SMAD6: variants seen among roughly 807,000 people sequenced by gnomAD.
The protein encoded by SMAD6 is SMAD family member 6, also known as MAD homolog 6.
A neutral mutation model predicts 39.4 loss-of-function variants in SMAD6; 103 were observed. The observed-to-expected ratio is 2.62, with a 90% CI of 2.23 to 3.08. The LOEUF (loss-of-function observed/expected upper bound fraction) is 3.08. Among genes scored for constraint, SMAD6 ranks in the 30% most tolerant of loss-of-function variants. The probability of loss-of-function intolerance (pLI) is 0.00; values close to 1 mark genes in which losing one functional copy is unlikely to be tolerated. For missense variants in SMAD6, 1,104 were observed against 742.9 expected, an observed-to-expected ratio of 1.49 and a Z score of -5.65; for synonymous variants, 445 against 353.3, an observed-to-expected ratio of 1.26 and a Z score of -2.91.
At chr15:66,716,586 C>T (rs377132423) in intron 3 of SMAD6, 88 bp downstream of exon 3, 1 of 935,890 alleles carries the variant, frequency 1.1e-6, no homozygotes, top group South Asian at 1.3e-5. Context: ...GACTTTTTGA[C>T]TTCCCCTCTT....
intron 1 of SMAD6, among the ~76,000 whole-genome samples, chr15:66,708,431 G>A (rs750832461): frequency 2.0e-5 from 3 of 152,198 alleles, no homozygotes; most frequent in Admixed American, 1.3e-4. Context: ...AGATCCACAG[G>A]GCGCAGCCAT....
intron 3 of SMAD6, among the ~76,000 whole-genome samples, chr15:66,739,968 C>T (rs79073097): frequency 0.037 from 5,564 of 152,266 alleles, 317 homozygotes; most frequent in African/African-American, 0.12. Flanking sequence ...GTTTTGCGTC[C>T]TGCCTTTTCT....
At chr15:66,758,475 C>T (rs972362804) in intron 3 of SMAD6, among the ~76,000 whole-genome samples, 3 of 152,186 alleles carry the variant, frequency 2.0e-5, no homozygotes, top group Non-Finnish European at 2.9e-5. Flanking sequence ...TGCCCGTAAT[C>T]CCAGCACTTT....
chr15:66,769,239 T>G (rs1361105908), intron 3 of SMAD6, among the ~76,000 whole-genome samples: 1 of 152,208 alleles, frequency 6.6e-6, no homozygotes. Flanking sequence ...TGAGGGCTGC[T>G]GCTCACAGAG....
chr15:66,718,494 G>A (rs1352310826), intron 3 of SMAD6, among the ~76,000 whole-genome samples: 3 of 152,196 alleles, frequency 2.0e-5, no homozygotes, highest in Non-Finnish European at 2.9e-5. Context: ...TCTAAGGAGC[G>A]GAAGGATTTG....
At position 66,703,337 on chromosome 15, in the gene SMAD6, A is replaced by AGCG. The variant is rs936063348; in HGVS notation, c.90_92dup (p.Gly33dup). The AGCG allele has an allele frequency of 8.1e-6, 12 of 1,484,728 alleles. No individual in the cohort carries two copies. In the Admixed American group the frequency reaches 1.4e-4, roughly 18 times the overall value. The allele number at this position is 1,484,728 out of a possible 1,614,324, so 92.0% of individuals were successfully genotyped here. On this transcript the variant is annotated inframe_insertion, in exon 1 of 4. Coordinates refer to ENST00000288840, the MANE Select transcript of SMAD6 (RefSeq NM_005585.5). ...GGTCCCCGACCGGGAGGAAGGCGGC[A>AGCG]GCGGCGGCGGCGGTGGCGGCGACGA...
intron 3 of SMAD6, among the ~76,000 whole-genome samples, chr15:66,734,012 G>A (rs950495885): frequency 3.9e-5 from 6 of 152,190 alleles, no homozygotes; most frequent in Admixed American, 2.0e-4. Context: ...TCCTGTGCCC[G>A]AGCTGGGGTC....
At chr15:66,756,304 A>G (rs1894098391) in intron 3 of SMAD6, among the ~76,000 whole-genome samples, 1 of 151,886 alleles carries the variant, frequency 6.6e-6, no homozygotes, top group African/African-American at 2.4e-5. Flanking sequence ...AGCCCTTTGC[A>G]GTCATGCTGT....
At chr15:66,752,042 T>C (rs1894016563) in intron 3 of SMAD6, among the ~76,000 whole-genome samples, 1 of 17,974 alleles carries the variant, frequency 5.6e-5, no homozygotes, top group Non-Finnish European at 1.9e-4. Context: ...AATGGCACCT[T>C]TTTTTTTTTT....
Position 66,767,077 on chromosome 15 carries a change from T to C in SMAD6, c.953-13920T>C, listed in dbSNP as rs568292347. Reference sequence around the variant, plus strand: ...TTACTGAGATAATGATTCAACTTCTTCAAGATGCTGGGCGGGAGGCAGTGG... The same window carrying C: ...TTACTGAGATAATGATTCAACTTCTCCAAGATGCTGGGCGGGAGGCAGTGG... On this transcript the variant is annotated intron_variant, in intron 3 of 3. Transcript: ENST00000288840. 7.9e-5 allele frequency among the ~76,000 whole-genome samples: 12 copies of C among 152,338 alleles called. No homozygotes were observed. The East Asian group carries it at 1.3e-3, about 17-fold the overall frequency.
chr15:66,744,114 A>G lies in SMAD6; in HGVS notation c.952+27616A>G, dbSNP rs1438192707. On this transcript the variant is annotated intron_variant, in intron 3 of 3. Coordinates refer to ENST00000288840, the MANE Select transcript of SMAD6 (RefSeq NM_005585.5). Reference sequence around the variant, plus strand: ...TCAGAGTGCCCTCCGGAAAGGCTGTATCCGTTTTCTCTCTCAGCTGCCCTG... The same window carrying G: ...TCAGAGTGCCCTCCGGAAAGGCTGTGTCCGTTTTCTCTCTCAGCTGCCCTG... Among the ~76,000 whole-genome samples the G allele has an allele frequency of 2.5e-4, 38 of 152,186 alleles. 1 individual carries two copies. Among genetic ancestry groups the G allele is most frequent in the Admixed American group, 2.5e-3 (38 of 15,278 alleles).
chr15:66,762,050 T>C (rs1894209850), intron 3 of SMAD6, among the ~76,000 whole-genome samples: 1 of 152,220 alleles, frequency 6.6e-6, no homozygotes, highest in African/African-American at 2.4e-5. Flanking sequence ...GCTCACCTCC[T>C]GCAGGCCAGC....
intron 3 of SMAD6, among the ~76,000 whole-genome samples, chr15:66,780,424 G>A (rs922047502): frequency 4.6e-5 from 7 of 151,924 alleles, no homozygotes; most frequent in East Asian, 1.9e-4. Flanking sequence ...AACCTCCCCC[G>A]CCATCCCCCA....
intron 1 of SMAD6, among the ~76,000 whole-genome samples, chr15:66,711,386 T>C (rs951762107): frequency 9.2e-5 from 14 of 152,206 alleles, no homozygotes; most frequent in Admixed American, 7.9e-4. Flanking sequence ...ATGATTATTA[T>C]CCTCATTTTA....
At chr15:66,705,849 A>G (rs1449235141) in intron 1 of SMAD6, 1 of 152,540 alleles carries the variant, frequency 6.6e-6, no homozygotes, top group Non-Finnish European at 1.5e-5. Context: ...GTGTGTATGT[A>G]ATAGGATGGC....
chr15:66,781,533 T>G lies in SMAD6; in HGVS notation c.1489T>G (p.Ter497GluextTer45). Reference sequence around the variant, plus strand: ...GGAGATCCTCCTCAACAACCCCAGATAGTGGCGGCCCCGGCGGGAGGGGCG... The same window carrying G: ...GGAGATCCTCCTCAACAACCCCAGAGAGTGGCGGCCCCGGCGGGAGGGGCG... ...WLEILLNNPR* is the reference protein window; with the variant it reads ...WLEILLNNPRE The change falls in exon 4 of 4, where the codon TAG (stop) becomes GAG (glutamate). Residue 497 changes from the stop codon to glutamate, a stop_lost. Coordinates refer to ENST00000288840, the MANE Select transcript of SMAD6 (RefSeq NM_005585.5). 6.6e-7 allele frequency: 1 copy of G among 1,517,062 alleles called. No individual in the cohort carries two copies. The highest frequency in any genetic ancestry group is 8.8e-7 in the Non-Finnish European group (1 of 1,137,500). 94.0% of individuals were successfully genotyped at this position (1,517,062 alleles called of 1,614,324 possible). A position where few individuals can be genotyped will look rare whatever the true frequency, so the allele number is the denominator to read the frequency against.
rs1893229772 is a variant in SMAD6, at chr15:66,711,671, C to G, written c.821C>G (p.Ser274Cys). Residue 274 changes from serine to cysteine, a missense_variant, in exon 2 of 4, where the codon TCT becomes TGT. Ser to Cys is a moderately radical substitution (Grantham distance 112). Coordinates refer to ENST00000288840, the MANE Select transcript of SMAD6 (RefSeq NM_005585.5). ...CATGCTGTCTCCTGTCTTCCAGAAT[C>G]TCCGCCACCTCCCTACTCTCGGCTG... ...YHFSRLCGPESPPPPYSRLSP... is the reference protein window; with the variant it reads ...YHFSRLCGPECPPPPYSRLSP... 3 of 1,613,812 alleles carry G rather than the reference C, an allele frequency of 1.9e-6. No homozygotes were observed. The highest frequency in any genetic ancestry group is 1.1e-5 in the South Asian group (1 of 91,082).
intron 3 of SMAD6, among the ~76,000 whole-genome samples, chr15:66,765,299 C>T (rs1445266376): frequency 6.6e-6 from 1 of 152,176 alleles, no homozygotes; most frequent in Non-Finnish European, 1.5e-5. Context: ...ATCTGGCTCA[C>T]TGCAACCTCT....
At chr15:66,768,339 G>C (rs1277063893) in intron 3 of SMAD6, among the ~76,000 whole-genome samples, 1 of 152,128 alleles carries the variant, frequency 6.6e-6, no homozygotes, top group African/African-American at 2.4e-5. Context: ...TGTCTAGTTG[G>C]TAAATTAACA....
Sources: gnomAD v4.1 joint callset for allele counts (sites outside exome capture counted in the v4.1 genomes callset) on GRCh38, gnomAD v4.1.1 for gene constraint, MANE v1.5 for transcripts, NCBI Gene and HGNC (gene_info 2026-07-23, HGNC 2026-07-21) for gene names.